Variants in PNPLA1 observed in about 807,000 individuals in gnomAD.
PNPLA1 encodes omega-hydroxyceramide transacylase.
Under a neutral mutation model 51.7 loss-of-function variants are expected in PNPLA1, and 36 were observed. That is an observed-to-expected ratio of 0.70 (90% CI 0.53 to 0.92). The LOEUF (loss-of-function observed/expected upper bound fraction) is 0.92, where lower values mean the gene tolerates loss of function less well. Ranked by LOEUF, PNPLA1 falls within the 40% of genes least tolerant of loss-of-function variation. The probability of loss-of-function intolerance (pLI) is 0.00; values close to 1 mark genes in which losing one functional copy is unlikely to be tolerated. For missense variants in PNPLA1, 658 were observed against 682.5 expected (o/e 0.96, Z 0.40); for synonymous variants, 293 against 280.1 (o/e 1.05, Z -0.46).
intron 6 of PNPLA1, among the ~76,000 whole-genome samples, chr6:36,304,931 G>T (rs1771185492): frequency 6.6e-6 from 1 of 152,152 alleles, no homozygotes; most frequent in Non-Finnish European, 1.5e-5. Flanking sequence ...TGGGGACACT[G>T]AAAAATATCC....
Position 36,302,437 on chromosome 6 carries a change from C to A in PNPLA1, c.1352C>A (p.Pro451His). 1 of 1,557,804 alleles carries A rather than the reference C, an allele frequency of 6.4e-7. No homozygotes were observed. The highest frequency in any genetic ancestry group is 8.7e-7 in the Non-Finnish European group (1 of 1,151,106). The change falls in exon 6 of 9, where the codon CCT becomes CAT. Residue 451 changes from proline (P) to histidine (H), a missense_variant. Coordinates refer to ENST00000636260, the MANE Select transcript of PNPLA1 (RefSeq NM_001374623.1). ...CTTTCAGCCTTCCCTGCTCAGCCAC[C>A]TGTGGAGGAACTAGGCCAAGAACAG... ...SSLSAFPAQP[P>H]VEELGQEQPQ...
At chr6:36,299,403 C>T (rs182659282) in intron 5 of PNPLA1, among the ~76,000 whole-genome samples, 3 of 147,124 alleles carry the variant, frequency 2.0e-5, no homozygotes, top group African/African-American at 5.1e-5. Context: ...GGCATGATCT[C>T]GGCTCACTGC....
At chr6:36,309,382 A>G (rs1254251954) in intron 8 of PNPLA1, among the ~76,000 whole-genome samples, 2 of 151,988 alleles carry the variant, frequency 1.3e-5, no homozygotes, top group Non-Finnish European at 1.5e-5. Flanking sequence ...GAGTGTCCTT[A>G]TCTCTGTCTC....
intron 1 of PNPLA1, among the ~76,000 whole-genome samples, chr6:36,251,655 A>G (rs112160599): frequency 0.01 from 1,552 of 152,318 alleles, 12 homozygotes; most frequent in Non-Finnish European, 0.016. Context: ...TTACCACAAC[A>G]TAACCAGGGA....
Position 36,293,142 on chromosome 6 carries a change from T to C in PNPLA1, c.504+16T>C. On this transcript the variant is annotated intron_variant, in intron 3 of 8. Coordinates refer to ENST00000636260, the MANE Select transcript of PNPLA1 (RefSeq NM_001374623.1). ...CCGCGGTGTGGTGAGTGCTTCGGCATGGTGAGGGGTGAGATGGGATCCAAG... is the reference window on the plus strand; with the variant it reads ...CCGCGGTGTGGTGAGTGCTTCGGCACGGTGAGGGGTGAGATGGGATCCAAG... 6.2e-7 allele frequency: 1 copy of C among 1,611,764 alleles called. No individual in the cohort carries two copies. The highest frequency in any genetic ancestry group is 8.5e-7 in the Non-Finnish European group (1 of 1,178,000).
chr6:36,280,456 T>C (rs912264674), intron 1 of PNPLA1, among the ~76,000 whole-genome samples: 1 of 152,236 alleles, frequency 6.6e-6, no homozygotes, highest in Non-Finnish European at 1.5e-5. Context: ...CTCTAAACCA[T>C]ATGCAATACA....
At chr6:36,279,807 A>T (rs1274717254) in intron 1 of PNPLA1, among the ~76,000 whole-genome samples, 2 of 152,268 alleles carry the variant, frequency 1.3e-5, no homozygotes, top group Non-Finnish European at 2.9e-5. Context: ...ATGAATGTTG[A>T]ATGAATGGAT....
intron 6 of PNPLA1, among the ~76,000 whole-genome samples, chr6:36,304,472 A>G (rs1040634849): frequency 1.3e-5 from 2 of 151,858 alleles, no homozygotes; most frequent in Non-Finnish European, 1.5e-5. Context: ...CTAAAAATAC[A>G]AAAAATTAGC....
intron 1 of PNPLA1, among the ~76,000 whole-genome samples, chr6:36,286,087 T>C (rs907583544): frequency 1.5e-4 from 23 of 152,254 alleles, no homozygotes; most frequent in South Asian, 2.1e-4. Context: ...ATTATTGCCA[T>C]ACCCAATATT....
Position 36,291,420 on chromosome 6 carries a change from G to T in PNPLA1, c.306G>T (p.Gln102His). 6.2e-7 allele frequency: 1 copy of T among 1,614,180 alleles called. No individual in the cohort carries two copies. Among genetic ancestry groups the T allele is most frequent in the African/African-American group, 1.3e-5 (1 of 75,052 alleles). Residue 102 changes from glutamine (Q) to histidine (H), a missense_variant, in exon 2 of 9, where the codon CAG (glutamine) becomes CAT (histidine). Physicochemically the swap from Gln to His is conservative, Grantham distance 24. Coordinates refer to ENST00000636260, the MANE Select transcript of PNPLA1 (RefSeq NM_001374623.1). ...PSCKMVQMMRQFLYRVLPEDS... is the reference protein window; with the variant it reads ...PSCKMVQMMRHFLYRVLPEDS... ...GTAAGATGGTGCAGATGATGAGGCAGTTTCTGTACCGGGTCCTGCCCGAGG... is the reference window on the plus strand; with the variant it reads ...GTAAGATGGTGCAGATGATGAGGCATTTTCTGTACCGGGTCCTGCCCGAGG...
At chr6:36,261,383 A>T (rs1405011012) in intron 1 of PNPLA1, among the ~76,000 whole-genome samples, 2 of 152,274 alleles carry the variant, frequency 1.3e-5, no homozygotes, top group Non-Finnish European at 2.9e-5. Flanking sequence ...AGGGAAGTAA[A>T]TAAGGCACAG....
intron 1 of PNPLA1, among the ~76,000 whole-genome samples, chr6:36,288,588 G>A (rs1389781065): frequency 1.3e-5 from 2 of 151,616 alleles, no homozygotes; most frequent in Non-Finnish European, 2.9e-5. Context: ...GAGTAGCTGG[G>A]ACTACAGGCG....
At chr6:36,292,432 C>A (rs541498306) in intron 2 of PNPLA1, among the ~76,000 whole-genome samples, 2 of 152,208 alleles carry the variant, frequency 1.3e-5, no homozygotes, top group East Asian at 3.9e-4. Context: ...CCTACCATGC[C>A]AACCCTAGCA....
chr6:36,246,870 T>C (rs1403717037), intron 1 of PNPLA1, among the ~76,000 whole-genome samples: 3 of 152,240 alleles, frequency 2.0e-5, no homozygotes, highest in Non-Finnish European at 4.4e-5. Context: ...CACGTAAAAT[T>C]ACATAGTACT....
chr6:36,266,437 G>A (rs181923590), upstream of PNPLA1, among the ~76,000 whole-genome samples: 191 of 152,322 alleles, frequency 1.3e-3, 1 homozygote, highest in Non-Finnish European at 2.0e-3. Context: ...CCAGGACAGT[G>A]TCTCTGTCAG....
intron 1 of PNPLA1, 59 bp downstream of exon 1, chr6:36,270,723 A>G: frequency 6.6e-7 from 1 of 1,525,212 alleles, no homozygotes; most frequent in Non-Finnish European, 8.9e-7. Context: ...CAGAGACAGA[A>G]GGAGCGTGAG....
chr6:36,301,721 C>A, intron 5 of PNPLA1, 140 bp from the exon 6 acceptor site: 1 of 1,208,320 alleles, frequency 8.3e-7, no homozygotes, highest in Non-Finnish European at 1.2e-6. Flanking sequence ...TTTGTTTTCA[C>A]TCACTGTAAA....
rs1421066093 is a variant in PNPLA1, at chr6:36,294,381, G to T, written c.696G>T (p.Leu232Phe). The change falls in exon 4 of 9, where the codon TTG (leucine) becomes TTT (phenylalanine). Residue 232 changes from leucine to phenylalanine, a missense_variant. Physicochemically the swap from Leu to Phe is conservative, Grantham distance 22. Coordinates refer to ENST00000636260, the MANE Select transcript of PNPLA1 (RefSeq NM_001374623.1). The surrounding 1 kb of genome is among the most constrained non-coding windows in gnomAD (Gnocchi z 4.2). ...ACATCGCCAGGATGACCCACGCATT[G>T]TTCCCCCCGGACCTGGTGGTGAGAG... ...LENIARMTHA[L>F]FPPDLVILHD... 2 of 1,614,092 alleles carry T rather than the reference G, an allele frequency of 1.2e-6. No homozygotes were observed. The highest frequency in any genetic ancestry group is 2.2e-5 in the East Asian group (1 of 44,878).
chr6:36,309,803 G>T (rs1388314290), intron 8 of PNPLA1, among the ~76,000 whole-genome samples: 1 of 152,148 alleles, frequency 6.6e-6, no homozygotes, highest in East Asian at 1.9e-4. Flanking sequence ...AAAGGCTGGG[G>T]TAAGGGGTAG....
Sources: allele counts gnomAD v4.1 joint callset (sites outside exome capture counted in the v4.1 genomes callset), GRCh38; gene constraint gnomAD v4.1.1; non-coding constraint Gnocchi (gnomAD v3.1); transcripts MANE v1.5; gene names NCBI Gene and HGNC (gene_info 2026-07-23, HGNC 2026-07-21).